Variants in TENM3 observed in about 807,000 individuals in gnomAD.
The protein encoded by TENM3 is teneurin transmembrane protein 3, also known as teneurin-3.
Under a neutral mutation model 255.1 loss-of-function variants are expected in TENM3, and 63 were observed. The observed-to-expected ratio is 0.25, with a 90% CI of 0.20 to 0.30. TENM3 has a LOEUF of 0.30. Ranked by LOEUF, TENM3 falls within the 10% of genes least tolerant of loss-of-function variation. The pLI is 1.00. For missense variants in TENM3, 2,929 were observed against 3,461.1 expected (o/e 0.85, Z 3.86); for synonymous variants, 1,306 against 1,322.3 (o/e 0.99, Z 0.27).
At chr4:182,692,274 G>GAT (rs1190953511) in intron 12 of TENM3, among the ~76,000 whole-genome samples, 3 of 152,220 alleles carry the variant, frequency 2.0e-5, no homozygotes, top group Non-Finnish European at 4.4e-5. Context: ...CTGCTGAACA[G>GAT]ATGGTTATAG....
chr4:181,616,414 T>A, the TENM3 span, among the ~76,000 whole-genome samples: 7 of 147,426 alleles, frequency 4.7e-5, no homozygotes, highest in Non-Finnish European at 8.9e-5. Flanking sequence ...CCTATATATA[T>A]AAGTAGGGTA....
chr4:182,694,687 T>G (rs1422168180), intron 12 of TENM3, among the ~76,000 whole-genome samples: 1 of 152,178 alleles, frequency 6.6e-6, no homozygotes. Flanking sequence ...CAGACAAAAC[T>G]CACACATGCA....
At chr4:182,435,589 G>A (rs1771983815) in intron 3 of TENM3, among the ~76,000 whole-genome samples, 1 of 152,200 alleles carries the variant, frequency 6.6e-6, no homozygotes, top group Non-Finnish European at 1.5e-5. Flanking sequence ...CGGTGAACAG[G>A]CAACTGCTTG....
At chr4:181,615,653 C>T in the TENM3 span, among the ~76,000 whole-genome samples, 4 of 152,170 alleles carry the variant, frequency 2.6e-5, no homozygotes, top group Non-Finnish European at 5.9e-5. Context: ...CTACACCAGC[C>T]GTGCTCCTAC....
intron 5 of TENM3, among the ~76,000 whole-genome samples, chr4:182,634,882 A>T (rs1051036498): frequency 6.6e-6 from 1 of 152,170 alleles, no homozygotes; most frequent in African/African-American, 2.4e-5. Context: ...GATAACCTGA[A>T]ATGTCAATGT....
the TENM3 span, among the ~76,000 whole-genome samples, chr4:181,562,780 T>C: frequency 1.6e-4 from 25 of 152,086 alleles, no homozygotes; most frequent in African/African-American, 6.0e-4. Context: ...GTTCAAGTGA[T>C]TCTCCTGCCT....
intron 1 of TENM3, among the ~76,000 whole-genome samples, chr4:182,233,241 C>T (rs1444908165): frequency 1.3e-5 from 2 of 152,190 alleles, no homozygotes; most frequent in Admixed American, 6.5e-5. Flanking sequence ...ACTAATTTCT[C>T]ACAGGAGAAA....
In TENM3 at chr4:182,346,948, T is replaced by C. The variant is rs760777000; in HGVS notation, c.511+19T>C. ...GAGAATGGTAAGTTTCCTTTTTGGC[T>C]TTATAATGTTGGCATTCAGTGCTTC... On this transcript the variant is annotated intron_variant, in intron 3 of 27. Transcript: ENST00000511685. 6.4e-7 allele frequency: 1 copy of C among 1,561,460 alleles called. No individual in the cohort carries two copies. The highest frequency in any genetic ancestry group is 1.8e-5 in the Admixed American group (1 of 56,802).
chr4:182,478,166 G>GTAATAAT (rs1484191961), intron 3 of TENM3, among the ~76,000 whole-genome samples: 1 of 151,810 alleles, frequency 6.6e-6, no homozygotes, highest in East Asian at 1.9e-4. Context: ...TGTAATTGAG[G>GTAATAAT]TAATAATCCT....
At position 182,712,526 on chromosome 4, in the gene TENM3, A is replaced by C. The variant is rs1212947141; in HGVS notation, c.2222-1561A>C. 3.9e-5 allele frequency among the ~76,000 whole-genome samples: 6 copies of C among 152,142 alleles called. No homozygotes were observed. The East Asian group carries it at 9.6e-4, about 24-fold the overall frequency. ...AGACGGTAATTGTCTGAGCGAAAAG[A>C]AGCAGCAAAATTAATCTCTTCCTGA... On this transcript the variant is annotated intron_variant, in intron 12 of 27. Coordinates refer to ENST00000511685, the MANE Select transcript of TENM3 (RefSeq NM_001080477.4).
the TENM3 span, among the ~76,000 whole-genome samples, chr4:182,043,267 G>A: frequency 2.6e-5 from 4 of 152,234 alleles, no homozygotes; most frequent in South Asian, 8.3e-4. Flanking sequence ...CAGGGTATCT[G>A]TCTTCCGTTG....
chr4:182,444,111 A>G (rs915426615), intron 3 of TENM3, among the ~76,000 whole-genome samples: 1 of 152,234 alleles, frequency 6.6e-6, no homozygotes, highest in Non-Finnish European at 1.5e-5. Context: ...GACATCTGTG[A>G]AAAATTATGA....
At chr4:181,902,330 C>A in the TENM3 span, among the ~76,000 whole-genome samples, 3 of 152,130 alleles carry the variant, frequency 2.0e-5, no homozygotes, top group African/African-American at 4.8e-5. Context: ...ATGATAGTTT[C>A]TTTTGCTGTG....
At chr4:182,552,801 C>A (rs567903611) in intron 3 of TENM3, among the ~76,000 whole-genome samples, 1 of 152,248 alleles carries the variant, frequency 6.6e-6, no homozygotes, top group East Asian at 1.9e-4. Context: ...AATATGAGTC[C>A]TCTTAATGAA....
the TENM3 span, among the ~76,000 whole-genome samples, chr4:181,642,937 G>A: frequency 3.3e-5 from 5 of 152,230 alleles, no homozygotes; most frequent in African/African-American, 7.2e-5. Context: ...ATCAGGTAGC[G>A]TGATGCCTCC....
chr4:181,657,813 AAC>A, the TENM3 span, among the ~76,000 whole-genome samples: 4 of 150,406 alleles, frequency 2.7e-5, no homozygotes, highest in South Asian at 2.1e-4. Context: ...TAAAAAAAAA[AAC>A]AAATCTATGT....
At chr4:182,697,893 G>C (rs564901893) in intron 12 of TENM3, 2 of 152,224 alleles carry the variant, frequency 1.3e-5, no homozygotes, top group South Asian at 4.1e-4. Flanking sequence ...ATTCTCTACT[G>C]TTTCAATATT....
chr4:182,464,063 T>C (rs1441081073), intron 3 of TENM3, among the ~76,000 whole-genome samples: 2 of 152,212 alleles, frequency 1.3e-5, no homozygotes, highest in African/African-American at 2.4e-5. Context: ...ATTGCTACAC[T>C]TTTATAAACA....
chr4:182,435,438 A>C (rs1401968895), intron 3 of TENM3, among the ~76,000 whole-genome samples: 1 of 152,188 alleles, frequency 6.6e-6, no homozygotes, highest in African/African-American at 2.4e-5. Flanking sequence ...TTGATTCCCA[A>C]CAAGCCAACA....
Sources: gnomAD v4.1 joint callset for allele counts (sites outside exome capture counted in the v4.1 genomes callset) on GRCh38, gnomAD v4.1.1 for gene constraint, MANE v1.5 for transcripts, NCBI Gene and HGNC (gene_info 2026-07-23, HGNC 2026-07-21) for gene names.